Variants in VPS35L observed in about 807,000 individuals in gnomAD.
VPS35L encodes VPS35 endosomal protein sorting factor like, also known as VPS35 endosomal protein-sorting factor-like.
Under a neutral mutation model 133.0 loss-of-function variants are expected in VPS35L, and 83 were observed. The ratio of observed to expected loss-of-function variants is 0.62; its 90% CI spans 0.52 to 0.75. The LOEUF (loss-of-function observed/expected upper bound fraction) is 0.75, where lower values mean the gene tolerates loss of function less well. VPS35L is among the 30% of genes least tolerant of loss of function. The probability of loss-of-function intolerance (pLI) is 0.00; values close to 1 mark genes in which losing one functional copy is unlikely to be tolerated. For missense variants in VPS35L, 1,083 were observed against 1,206.8 expected (o/e 0.90, Z 1.52); for synonymous variants, 423 against 449.9 (o/e 0.94, Z 0.76).
intron 27 of VPS35L, among the ~76,000 whole-genome samples, chr16:19,675,202 T>G (rs1472949086): frequency 6.6e-6 from 1 of 151,932 alleles, no homozygotes; most frequent in Non-Finnish European, 1.5e-5. Flanking sequence ...CCTCCAGCCT[T>G]GACTTCCCAA....
At chr16:19,595,304 G>A (rs1972177492) in intron 8 of VPS35L, among the ~76,000 whole-genome samples, 1 of 152,134 alleles carries the variant, frequency 6.6e-6, no homozygotes, top group South Asian at 2.1e-4. Flanking sequence ...AGGCAGGGGT[G>A]GCTTGGCCCC....
At chr16:19,570,199 G>A (rs1398881726) in intron 3 of VPS35L, among the ~76,000 whole-genome samples, 1 of 152,022 alleles carries the variant, frequency 6.6e-6, no homozygotes, top group Non-Finnish European at 1.5e-5. Context: ...CAAATTGCTG[G>A]GACAGGCATG....
At chr16:19,671,234 G>A (rs1009824345) in intron 27 of VPS35L, among the ~76,000 whole-genome samples, 1 of 152,020 alleles carries the variant, frequency 6.6e-6, no homozygotes, top group African/African-American at 2.4e-5. Context: ...TTTGGGAGGC[G>A]GAGGTGGACA....
At chr16:19,679,828 G>A (rs1975205088) in intron 27 of VPS35L, among the ~76,000 whole-genome samples, 1 of 152,162 alleles carries the variant, frequency 6.6e-6, no homozygotes, top group African/African-American at 2.4e-5. Context: ...AATTCTTACA[G>A]ATATTAACAG....
intron 6 of VPS35L, 73 bp from the exon 7 acceptor site, chr16:19,581,452 A>G (rs1971705123): frequency 7.1e-7 from 1 of 1,410,082 alleles, no homozygotes; most frequent in East Asian, 2.6e-5. Context: ...GCCAATACCT[A>G]GTATTCTTTA....
intron 27 of VPS35L, among the ~76,000 whole-genome samples, chr16:19,673,237 T>G (rs956805490): frequency 6.6e-5 from 10 of 152,270 alleles, no homozygotes; most frequent in African/African-American, 1.9e-4. Flanking sequence ...ACTTGCTGGC[T>G]ATGTCCTGAT....
intron 27 of VPS35L, among the ~76,000 whole-genome samples, chr16:19,678,540 C>T (rs1013714578): frequency 7.3e-5 from 11 of 151,392 alleles, no homozygotes; most frequent in South Asian, 4.2e-4. Context: ...CGCAGTGGCA[C>T]GATCTCGGCT....
chr16:19,621,269 A>G (rs187292519), intron 14 of VPS35L, among the ~76,000 whole-genome samples: 400 of 152,338 alleles, frequency 2.6e-3, no homozygotes, highest in African/African-American at 7.4e-3. Flanking sequence ...TAAGAACATC[A>G]AAGTCCTAGA....
At position 19,633,271 on chromosome 16, in the gene VPS35L, C is replaced by T; in HGVS notation, c.1635+99C>T. The T allele has an allele frequency of 9.2e-7, 1 of 1,089,192 alleles. No homozygotes were observed. Among genetic ancestry groups the T allele is most frequent in the East Asian group, 2.4e-5 (1 of 42,218 alleles). The allele number at this position is 1,089,192 out of a possible 1,614,324, so 67.5% of individuals were successfully genotyped here. A position where few individuals can be genotyped will look rare whatever the true frequency, so the allele number is the denominator to read the frequency against. On this transcript the variant is annotated intron_variant, in intron 19 of 30. Transcript: ENST00000417362. The surrounding 1 kb of genome is among the most constrained non-coding windows in gnomAD (Gnocchi z 4.1). ...GGGTCAGGCTATAAAGGCACATAAT[C>T]CTGTGTTTGAATCATAGCTCTGCCA...
chr16:19,592,835 A>G (rs1972087553), intron 8 of VPS35L, among the ~76,000 whole-genome samples: 1 of 151,888 alleles, frequency 6.6e-6, no homozygotes, highest in Admixed American at 6.6e-5. Flanking sequence ...ACAGGCACGC[A>G]CCACCACGCC....
At chr16:19,674,914 T>A (rs558330575) in intron 27 of VPS35L, among the ~76,000 whole-genome samples, 1 of 152,294 alleles carries the variant, frequency 6.6e-6, no homozygotes, top group South Asian at 2.1e-4. Flanking sequence ...CTGAATAATA[T>A]TCCATTGTGC....
At chr16:19,635,475 G>A (rs376068197) in intron 19 of VPS35L, among the ~76,000 whole-genome samples, 9 of 152,202 alleles carry the variant, frequency 5.9e-5, no homozygotes, top group Non-Finnish European at 1.0e-4. Flanking sequence ...AAAGAGACGT[G>A]AAAATGGAAT....
chr16:19,675,413 G>A (rs1975031337), intron 27 of VPS35L, among the ~76,000 whole-genome samples: 1 of 152,098 alleles, frequency 6.6e-6, no homozygotes, highest in South Asian at 2.1e-4. Context: ...GAGCTCTTGT[G>A]AATAATGCTG....
rs562478571 is a variant in VPS35L, at chr16:19,690,894, G to A, written c.2528-459G>A. 9.9e-5 allele frequency among the ~76,000 whole-genome samples: 15 copies of A among 152,160 alleles called. No individual in the cohort carries two copies. The East Asian group carries it at 1.5e-3, about 16-fold the overall frequency. ...AGGAGGACTGCTTGAGCCTTGAGGC[G>A]GAGGTTGCAGTCAGCCAAGATCGTG... On this transcript the variant is annotated intron_variant, in intron 28 of 30. Coordinates refer to ENST00000417362, the MANE Select transcript of VPS35L (RefSeq NM_020314.7).
intron 29 of VPS35L, among the ~76,000 whole-genome samples, chr16:19,692,213 A>G (rs915187612): frequency 6.6e-6 from 1 of 152,028 alleles, no homozygotes; most frequent in Non-Finnish European, 1.5e-5. Context: ...CTGTGTCTGA[A>G]TGACAAGACA....
At chr16:19,637,955 T>C (rs1308516178) in intron 20 of VPS35L, among the ~76,000 whole-genome samples, 2 of 152,248 alleles carry the variant, frequency 1.3e-5, no homozygotes, top group Admixed American at 1.3e-4. Context: ...TTGGACAGCC[T>C]TCTCTTACTT....
At chr16:19,616,614 T>G in intron 13 of VPS35L, 72 bp from the exon 14 acceptor site, 19 of 1,553,916 alleles carry the variant, frequency 1.2e-5, no homozygotes, top group South Asian at 2.4e-5. Flanking sequence ...GCACAGTCTG[T>G]GAGTTGTGTA....
intron 26 of VPS35L, among the ~76,000 whole-genome samples, chr16:19,659,225 G>C (rs748532425): frequency 3.3e-5 from 5 of 152,150 alleles, no homozygotes; most frequent in Non-Finnish European, 7.4e-5. Context: ...CCTCAAATGA[G>C]CTACTGCATG....
Position 19,640,185 on chromosome 16 carries a change from A to T in VPS35L, c.1784+85A>T, listed in dbSNP as rs145778942. Reference sequence around the variant, plus strand: ...ATAAAAAATCAGTTCTTGCACTTTGAGGCCGAGTGATGTGTACGTATTTCA... The same window carrying T: ...ATAAAAAATCAGTTCTTGCACTTTGTGGCCGAGTGATGTGTACGTATTTCA... On this transcript the variant is annotated intron_variant, in intron 21 of 30. Coordinates refer to ENST00000417362, the MANE Select transcript of VPS35L (RefSeq NM_020314.7). The T allele has an allele frequency of 6.0e-4, 736 of 1,236,910 alleles. 4 individuals carry two copies. The African/African-American group carries it at 1.0e-2, about 17-fold the overall frequency. 76.6% of individuals were successfully genotyped at this position (1,236,910 alleles called of 1,614,324 possible). A position where few individuals can be genotyped will look rare whatever the true frequency, so the allele number is the denominator to read the frequency against.
Sources: gnomAD v4.1 joint callset for allele counts (sites outside exome capture counted in the v4.1 genomes callset) on GRCh38, gnomAD v4.1.1 for gene constraint, Gnocchi (gnomAD v3.1) non-coding constraint, MANE v1.5 for transcripts, NCBI Gene and HGNC (gene_info 2026-07-23, HGNC 2026-07-21) for gene names.